CCDC102B: variants seen among roughly 807,000 people sequenced by gnomAD.
CCDC102B encodes the protein coiled-coil domain-containing protein 102B.
Under a neutral mutation model 57.4 loss-of-function variants are expected in CCDC102B, and 75 were observed. The ratio of observed to expected loss-of-function variants is 1.31; its 90% CI spans 1.08 to 1.58. CCDC102B has a LOEUF of 1.58. Among genes scored for constraint, CCDC102B ranks in the 40% most tolerant of loss-of-function variants. CCDC102B has a pLI of 0.00. For missense variants in CCDC102B, 636 were observed against 582.6 expected (o/e 1.09, Z -0.94); for synonymous variants, 206 against 201.9 (o/e 1.02, Z -0.17).
At chr18:68,782,292 C>T (rs2035031108) in intron 2 of CCDC102B, among the ~76,000 whole-genome samples, 1 of 151,928 alleles carries the variant, frequency 6.6e-6, no homozygotes, top group African/African-American at 2.4e-5. Flanking sequence ...ACCTATACAC[C>T]TCTTTGTCCT....
rs534143543 is a variant in CCDC102B at position 68,952,333 on chromosome 18, A to G, written c.1263+54905A>G. Among the ~76,000 whole-genome samples, 19 of 152,214 alleles carry G rather than the reference A, an allele frequency of 1.2e-4. No individual in the cohort carries two copies. The East Asian group carries it at 3.5e-3, about 28-fold the overall frequency. ...AAATCATAATAATCAAATACATAAA[A>G]TCATATTGGAAACTGTAAGTTGTCT... is the stretch of plus-strand genomic sequence containing the variant. On this transcript the variant is annotated intron_variant, in intron 6 of 7. Transcript: ENST00000360242.
chr18:68,942,942 C>CTTTG (rs2049424804), intron 6 of CCDC102B, among the ~76,000 whole-genome samples: 1 of 129,040 alleles, frequency 7.7e-6, no homozygotes, highest in African/African-American at 2.7e-5. Context: ...TGCGGCCTTC[C>CTTTG]GCTGTGTTTT....
chr18:69,020,372 G>T (rs924026587), intron 7 of CCDC102B, among the ~76,000 whole-genome samples: 1 of 152,016 alleles, frequency 6.6e-6, no homozygotes, highest in Admixed American at 6.6e-5. Flanking sequence ...TGAGCTAGGC[G>T]CACTGTATGG....
At chr18:68,906,722 A>G (rs553924758) in intron 6 of CCDC102B, among the ~76,000 whole-genome samples, 35 of 152,080 alleles carry the variant, frequency 2.3e-4, no homozygotes, top group Middle Eastern at 3.4e-3. Context: ...AATTCTTTAT[A>G]TATTCTGGAT....
At chr18:68,901,780 G>A (rs1345883865) in intron 6 of CCDC102B, among the ~76,000 whole-genome samples, 11 of 151,918 alleles carry the variant, frequency 7.2e-5, no homozygotes, top group Admixed American at 3.9e-4. Flanking sequence ...ACTCATGGGG[G>A]GATGTGGCCA....
intron 1 of CCDC102B, among the ~76,000 whole-genome samples, chr18:68,798,834 T>A (rs2035730874): frequency 6.6e-6 from 1 of 151,824 alleles, no homozygotes; most frequent in South Asian, 2.1e-4. Context: ...TGAAAAAAAA[T>A]CTCTGGAAAC....
chr18:68,728,947 A>T (rs1425017070), intron 2 of CCDC102B, among the ~76,000 whole-genome samples: 3 of 150,590 alleles, frequency 2.0e-5, no homozygotes, highest in Admixed American at 1.3e-4. Flanking sequence ...TTTTTTTTTA[A>T]AAAAGTTCAT....
Position 68,866,759 on chromosome 18 carries a change from G to A in CCDC102B, c.937-7910G>A, listed in dbSNP as rs550230162. 160 of 641,284 alleles carry A rather than the reference G, an allele frequency of 2.5e-4. 1 individual carries two copies. The highest frequency in any genetic ancestry group is 8.5e-4 in the African/African-American group (47 of 55,314). 39.7% of individuals were successfully genotyped at this position (641,284 alleles called of 1,614,324 possible). A position where few individuals can be genotyped will look rare whatever the true frequency, so the allele number is the denominator to read the frequency against. On this transcript the variant is annotated intron_variant, in intron 4 of 7. Transcript: ENST00000360242. ...GGGTCTGGTATTGCTTTGAGTGCAC[G>A]GGTCTGTCTTTTTGGTATGTCGGTG...
intron 2 of CCDC102B, among the ~76,000 whole-genome samples, chr18:68,837,641 A>T (rs1182232522): frequency 6.6e-6 from 1 of 152,056 alleles, no homozygotes; most frequent in East Asian, 1.9e-4. Context: ...GTGTCTTCAC[A>T]TGGTCTTTTC....
chr18:69,047,758 G>A (rs1276877640), intron 7 of CCDC102B, among the ~76,000 whole-genome samples: 1 of 152,038 alleles, frequency 6.6e-6, no homozygotes, highest in Non-Finnish European at 1.5e-5. Context: ...TAAACCTAGA[G>A]TCATATAAGG....
At chr18:68,915,872 G>A (rs1305526352) in intron 6 of CCDC102B, among the ~76,000 whole-genome samples, 1 of 152,096 alleles carries the variant, frequency 6.6e-6, no homozygotes, top group Non-Finnish European at 1.5e-5. Context: ...CTGAGGTAAA[G>A]TGTTTTTTTC....
At chr18:68,933,895 T>G (rs1483400185) in intron 6 of CCDC102B, among the ~76,000 whole-genome samples, 1 of 151,924 alleles carries the variant, frequency 6.6e-6, no homozygotes, top group Non-Finnish European at 1.5e-5. Flanking sequence ...GACTTTTAGC[T>G]ACTATGAGTG....
At position 69,054,026 on chromosome 18, in the gene CCDC102B, T is replaced by G. The variant is rs2052772191; in HGVS notation, c.1435-4T>G. On this transcript the variant is annotated splice_region_variant and splice_polypyrimidine_tract_variant and intron_variant, in intron 7 of 7. Transcript: ENST00000360242. ...AACTAAAGCATTTTCTACTTCGCTTTCAGCTTGATGATTCCCTGAATCAGA... is the reference window on the plus strand; with the variant it reads ...AACTAAAGCATTTTCTACTTCGCTTGCAGCTTGATGATTCCCTGAATCAGA... The G allele has an allele frequency of 6.3e-7, 1 of 1,598,668 alleles. No individual in the cohort carries two copies. Among genetic ancestry groups the G allele is most frequent in the Non-Finnish European group, 8.5e-7 (1 of 1,175,714 alleles).
At chr18:68,765,128 T>TG (rs931802464) in intron 2 of CCDC102B, among the ~76,000 whole-genome samples, 11 of 147,796 alleles carry the variant, frequency 7.4e-5, no homozygotes, top group African/African-American at 1.5e-4. Flanking sequence ...GAGACTGAAG[T>TG]GGGGGGGATT....
rs537058020 is a variant in CCDC102B at position 68,747,165 on chromosome 18, CTA to C, written c.-67+30572_-67+30573del. ...AGTCATCCTACAGTGTTGTAGAACACTAGAACTCATTCCTTCTATCTAATTGT... is the reference window on the plus strand; with the variant it reads ...AGTCATCCTACAGTGTTGTAGAACACGAACTCATTCCTTCTATCTAATTGT... On this transcript the variant is annotated intron_variant, in intron 2 of 3. Coordinates refer to the CCDC102B transcript ENST00000578970. Among the ~76,000 whole-genome samples, 437 of 152,128 alleles carry C rather than the reference CTA, an allele frequency of 2.9e-3. 3 individuals are homozygous for C. The highest frequency in any genetic ancestry group is 0.01 in the African/African-American group (422 of 41,528).
intron 1 of CCDC102B, among the ~76,000 whole-genome samples, chr18:68,812,304 G>A (rs2036297323): frequency 6.6e-6 from 1 of 151,874 alleles, no homozygotes; most frequent in Admixed American, 6.6e-5. Context: ...TTTATAAAAA[G>A]TGATAAAATT....
At chr18:68,829,376 G>GT (rs890640370) in intron 1 of CCDC102B, among the ~76,000 whole-genome samples, 5 of 152,038 alleles carry the variant, frequency 3.3e-5, no homozygotes, top group East Asian at 1.9e-4. Flanking sequence ...TCTGAATCCA[G>GT]TTTTTTCTCT....
rs370796010 is a variant in CCDC102B, at chr18:68,730,597, A to G, written c.-67+14003A>G. The stretch of plus-strand genomic sequence containing the variant: ...AGATAAGCAATTGACTAGAACACTT[A>G]TGATCTGTTATCATCTTTTCCCTGA... On this transcript the variant is annotated intron_variant, in intron 2 of 3. Transcript: ENST00000578970. Among the ~76,000 whole-genome samples, 14 of 152,336 alleles carry G rather than the reference A, an allele frequency of 9.2e-5. 1 individual carries two copies. The East Asian group carries it at 1.5e-3, about 17-fold the overall frequency.
chr18:68,957,551 CT>C (rs200259039), intron 6 of CCDC102B, among the ~76,000 whole-genome samples: 1,319 of 97,764 alleles, frequency 0.013, 9 homozygotes, highest in Non-Finnish European at 0.019. Flanking sequence ...TAATGTGATT[CT>C]TCCAGTTTTT....
Sources: gnomAD v4.1 joint callset for allele counts (sites outside exome capture counted in the v4.1 genomes callset) on GRCh38, gnomAD v4.1.1 for gene constraint, MANE v1.5 for transcripts, NCBI Gene and HGNC (gene_info 2026-07-23, HGNC 2026-07-21) for gene names.